ATG10: variants seen among roughly 807,000 people sequenced by gnomAD.
ATG10 encodes ubiquitin-like-conjugating enzyme ATG10.
A neutral mutation model predicts 32.1 loss-of-function variants in ATG10; 30 were observed. That is an observed-to-expected ratio of 0.94 (90% CI 0.70 to 1.27). The LOEUF is 1.27. Ranked by LOEUF, ATG10 falls within the 50% of genes most tolerant of loss-of-function variation. The pLI is 0.00. For missense variants in ATG10, 233 were observed against 262.3 expected (o/e 0.89, Z 0.77); for synonymous variants, 87 against 91.5 (o/e 0.95, Z 0.28).
intron 3 of ATG10, among the ~76,000 whole-genome samples, chr5:82,128,355 G>T (rs1458613114): frequency 6.8e-6 from 1 of 146,174 alleles, no homozygotes; most frequent in African/African-American, 2.5e-5. Context: ...TATTTTGCCA[G>T]TTAGTTAATG....
chr5:82,236,555 T>C lies in ATG10; in HGVS notation c.454-16007T>C, dbSNP rs1193424444. Among the ~76,000 whole-genome samples the C allele has an allele frequency of 3.0e-4, 45 of 152,192 alleles. 1 individual carries two copies. Among genetic ancestry groups the C allele is most frequent in the Admixed American group, 2.9e-3 (45 of 15,288 alleles). On this transcript the variant is annotated intron_variant, in intron 5 of 7. Coordinates refer to ENST00000282185, the MANE Select transcript of ATG10 (RefSeq NM_031482.5). The stretch of plus-strand genomic sequence containing the variant: ...TGGGAGAATTAGTTTCTGGCCTCTC[T>C]ATGGAGCCATGAAAGAAGGTTTTGT...
chr5:82,231,912 A>G (rs1479247249), intron 5 of ATG10, among the ~76,000 whole-genome samples: 1 of 152,250 alleles, frequency 6.6e-6, no homozygotes, highest in Non-Finnish European at 1.5e-5. Flanking sequence ...TAGTATTTTA[A>G]AAATCATCTT....
At chr5:82,016,319 G>A (rs942090702) in intron 2 of ATG10, among the ~76,000 whole-genome samples, 4 of 152,140 alleles carry the variant, frequency 2.6e-5, no homozygotes, top group Non-Finnish European at 5.9e-5. Flanking sequence ...GATTATCCCA[G>A]CACCATTTGT....
At chr5:82,072,151 C>T (rs543575121) in intron 3 of ATG10, among the ~76,000 whole-genome samples, 1 of 152,200 alleles carries the variant, frequency 6.6e-6, no homozygotes, top group Non-Finnish European at 1.5e-5. Context: ...AGGGGTTAGG[C>T]AAAGCTAAGA....
At chr5:82,226,039 C>T (rs1746117947) in intron 5 of ATG10, among the ~76,000 whole-genome samples, 1 of 152,078 alleles carries the variant, frequency 6.6e-6, no homozygotes, top group Admixed American at 6.5e-5. Context: ...TTTATTCTTA[C>T]TTTCTCTCTC....
intron 3 of ATG10, among the ~76,000 whole-genome samples, chr5:82,105,383 T>A (rs1765414922): frequency 6.6e-6 from 1 of 152,096 alleles, no homozygotes; most frequent in South Asian, 2.1e-4. Flanking sequence ...GTTGTATCAT[T>A]TGGAATAGAG....
At chr5:82,211,666 C>T (rs1472015278) in intron 5 of ATG10, among the ~76,000 whole-genome samples, 1 of 152,218 alleles carries the variant, frequency 6.6e-6, no homozygotes, top group East Asian at 1.9e-4. Flanking sequence ...CTCCTTCATC[C>T]CTGTGGAAAA....
chr5:82,023,063 C>G lies in ATG10; in HGVS notation c.108+35385C>G, dbSNP rs142426699. On this transcript the variant is annotated intron_variant, in intron 2 of 7. Transcript: ENST00000282185. Reference sequence around the variant, plus strand: ...TTATTTTTCTTCTCAATGCTCCCCCCCTGCCCCAGCAAACTTTAGTTGCCT... The same window carrying G: ...TTATTTTTCTTCTCAATGCTCCCCCGCTGCCCCAGCAAACTTTAGTTGCCT... Among the ~76,000 whole-genome samples the G allele has an allele frequency of 5.5e-3, 829 of 151,370 alleles. 10 individuals are homozygous for G. The East Asian group carries it at 0.068, about 12-fold the overall frequency.
intron 5 of ATG10, among the ~76,000 whole-genome samples, chr5:82,216,235 G>T (rs1343316630): frequency 6.6e-6 from 1 of 152,180 alleles, no homozygotes; most frequent in Non-Finnish European, 1.5e-5. Flanking sequence ...GTCTGCTTCA[G>T]AGTAAAAAGG....
At chr5:82,063,494 A>ATTT (rs143081537) in intron 3 of ATG10, among the ~76,000 whole-genome samples, 1 of 143,694 alleles carries the variant, frequency 7.0e-6, no homozygotes. Context: ...ACTGCTAACA[A>ATTT]TTTTTTTTTT....
intron 5 of ATG10, among the ~76,000 whole-genome samples, chr5:82,180,555 A>G (rs1384906794): frequency 6.6e-6 from 1 of 152,198 alleles, no homozygotes; most frequent in African/African-American, 2.4e-5. Flanking sequence ...GATGAGTGCT[A>G]AGAGTTCCAG....
chr5:82,186,831 C>G (rs1744465315), intron 5 of ATG10, among the ~76,000 whole-genome samples: 1 of 152,188 alleles, frequency 6.6e-6, no homozygotes, highest in Non-Finnish European at 1.5e-5. Context: ...ATCCGCCAGC[C>G]TTGGCCTCCC....
chr5:82,194,469 T>G (rs528130485), intron 5 of ATG10, among the ~76,000 whole-genome samples: 1 of 152,290 alleles, frequency 6.6e-6, no homozygotes, highest in East Asian at 1.9e-4. Flanking sequence ...GATATGAACT[T>G]AAATATTCCG....
At chr5:82,162,897 A>G (rs1228031216) in intron 3 of ATG10, among the ~76,000 whole-genome samples, 6 of 152,240 alleles carry the variant, frequency 3.9e-5, no homozygotes, top group Admixed American at 3.9e-4. Context: ...GCCAAAAATC[A>G]AAAAGTCTAA....
At chr5:81,976,986 C>T (rs560535723) in intron 1 of ATG10, among the ~76,000 whole-genome samples, 1 of 152,228 alleles carries the variant, frequency 6.6e-6, no homozygotes, top group Admixed American at 6.5e-5. Flanking sequence ...AGCTATCCTC[C>T]CACCTCAGCC....
At chr5:82,127,565 T>C (rs1159543677) in intron 3 of ATG10, among the ~76,000 whole-genome samples, 1 of 152,138 alleles carries the variant, frequency 6.6e-6, no homozygotes, top group East Asian at 1.9e-4. Context: ...CAGGAGCAGG[T>C]TGTTCATTTT....
intron 5 of ATG10, among the ~76,000 whole-genome samples, chr5:82,214,606 A>C (rs1221626279): frequency 6.6e-6 from 1 of 152,236 alleles, no homozygotes; most frequent in Non-Finnish European, 1.5e-5. Context: ...TGAAAATAGC[A>C]CTACCTGTAT....
chr5:82,213,174 T>C (rs963633284), intron 5 of ATG10, among the ~76,000 whole-genome samples: 1 of 152,220 alleles, frequency 6.6e-6, no homozygotes, highest in Non-Finnish European at 1.5e-5. Flanking sequence ...TTCCTGACTT[T>C]ATTCCATTTT....
chr5:81,988,288 C>G (rs1761348711), intron 2 of ATG10, among the ~76,000 whole-genome samples: 1 of 151,952 alleles, frequency 6.6e-6, no homozygotes, highest in Non-Finnish European at 1.5e-5. Context: ...AGATGTGCAC[C>G]ACCACACCTG....
Sources: gnomAD v4.1 joint callset for allele counts (sites outside exome capture counted in the v4.1 genomes callset) on GRCh38, gnomAD v4.1.1 for gene constraint, MANE v1.5 for transcripts, NCBI Gene and HGNC (gene_info 2026-07-23, HGNC 2026-07-21) for gene names.